The following ZNF385D variants were observed in gnomAD, a reference collection of about 807,000 sequenced individuals.
The protein encoded by ZNF385D is zinc finger protein 385D, also known as zinc finger protein 659.
A neutral mutation model predicts 35.8 loss-of-function variants in ZNF385D; 15 were observed. That is an observed-to-expected ratio of 0.42 (90% CI 0.28 to 0.64). The LOEUF is 0.64. ZNF385D is among the 30% of genes least tolerant of loss of function. The pLI is 0.23. For synonymous variants in ZNF385D, 212 were observed against 186.8 expected, an observed-to-expected ratio of 1.13 and a Z score of -1.10; for missense variants, 474 against 494.6, an observed-to-expected ratio of 0.96 and a Z score of 0.39.
intron 3 of ZNF385D, among the ~76,000 whole-genome samples, chr3:21,907,685 T>C (rs1298689513): frequency 1.3e-5 from 2 of 152,142 alleles, no homozygotes; most frequent in East Asian, 3.8e-4. Context: ...AGGTTACTCA[T>C]CCACCAGTAC....
intron 3 of ZNF385D, among the ~76,000 whole-genome samples, chr3:22,031,231 G>A (rs1243347977): frequency 6.6e-6 from 1 of 152,176 alleles, no homozygotes; most frequent in Non-Finnish European, 1.5e-5. Flanking sequence ...TTTTCTCACG[G>A]CTCTTCTAGG....
At chr3:21,547,365 C>G (rs1047621484) in intron 3 of ZNF385D, among the ~76,000 whole-genome samples, 1 of 151,972 alleles carries the variant, frequency 6.6e-6, no homozygotes, top group Non-Finnish European at 1.5e-5. Flanking sequence ...CTGTTCTTAC[C>G]CCTCCCCTTG....
chr3:21,664,787 A>C (rs79498085), intron 2 of ZNF385D, 99 bp downstream of exon 2: 54,665 of 1,508,482 alleles, frequency 0.036, 1,169 homozygotes, highest in Admixed American at 0.056. Flanking sequence ...GCAATGAACA[A>C]TATAGCAAAA....
chr3:21,819,592 C>T (rs1559655452), intron 3 of ZNF385D, among the ~76,000 whole-genome samples: 1 of 147,762 alleles, frequency 6.8e-6, no homozygotes, highest in East Asian at 2.0e-4. Flanking sequence ...ATATGTGCTA[C>T]ATATGTGTGT....
At chr3:21,941,894 A>C (rs2125276065) in intron 3 of ZNF385D, among the ~76,000 whole-genome samples, 1 of 152,150 alleles carries the variant, frequency 6.6e-6, no homozygotes, top group African/African-American at 2.4e-5. Context: ...TATTTTTTAG[A>C]AAAATTGTTC....
At chr3:21,850,541 G>A (rs1439997457) in intron 3 of ZNF385D, among the ~76,000 whole-genome samples, 1 of 152,116 alleles carries the variant, frequency 6.6e-6, no homozygotes, top group Admixed American at 6.6e-5. Flanking sequence ...CTGTATAGTA[G>A]TTTCCTTGAG....
At chr3:22,189,708 T>C (rs1695887483) in intron 2 of ZNF385D, among the ~76,000 whole-genome samples, 1 of 152,190 alleles carries the variant, frequency 6.6e-6, no homozygotes, top group Admixed American at 6.6e-5. Flanking sequence ...TCTGATATTT[T>C]TAGATTTGTA....
chr3:22,196,892 G>T (rs1696458579), intron 2 of ZNF385D, among the ~76,000 whole-genome samples: 1 of 151,858 alleles, frequency 6.6e-6, no homozygotes, highest in Non-Finnish European at 1.5e-5. Flanking sequence ...ATTGAGCATG[G>T]GTCTGCAGGT....
At chr3:22,281,171 T>G (rs1701717350) in intron 2 of ZNF385D, among the ~76,000 whole-genome samples, 2 of 152,088 alleles carry the variant, frequency 1.3e-5, no homozygotes, top group African/African-American at 4.8e-5. Flanking sequence ...TATGATCCTG[T>G]CATCAGCAAA....
chr3:21,460,837 A>G (rs962590766), intron 4 of ZNF385D, among the ~76,000 whole-genome samples: 1 of 152,216 alleles, frequency 6.6e-6, no homozygotes, highest in African/African-American at 2.4e-5. Flanking sequence ...ATTGTGAACT[A>G]GTCCCTGGAA....
chr3:21,520,957 C>T (rs773165881), intron 3 of ZNF385D, among the ~76,000 whole-genome samples: 5 of 152,152 alleles, frequency 3.3e-5, no homozygotes, highest in African/African-American at 7.2e-5. Context: ...AGTCACATAA[C>T]ACATACTCTG....
intron 2 of ZNF385D, among the ~76,000 whole-genome samples, chr3:22,209,655 C>T (rs182789208): frequency 1.9e-3 from 284 of 151,826 alleles, no homozygotes; most frequent in Non-Finnish European, 2.7e-3. Flanking sequence ...TATTCTTTTG[C>T]ATTTATTTTT....
chr3:21,657,076 G>A (rs1298356847), intron 2 of ZNF385D, among the ~76,000 whole-genome samples: 2 of 151,846 alleles, frequency 1.3e-5, no homozygotes. Flanking sequence ...ATGTGTGTGT[G>A]TGTAATGTGT....
intron 3 of ZNF385D, among the ~76,000 whole-genome samples, chr3:21,994,895 T>C (rs1387246512): frequency 6.6e-6 from 1 of 152,184 alleles, no homozygotes; most frequent in African/African-American, 2.4e-5. Flanking sequence ...TATGGGTACT[T>C]TAGATCAGCT....
chr3:22,228,468 C>T (rs2125293047), intron 2 of ZNF385D, among the ~76,000 whole-genome samples: 1 of 152,240 alleles, frequency 6.6e-6, no homozygotes, highest in Middle Eastern at 3.4e-3. Flanking sequence ...AATTTTGGCT[C>T]CTGTGGATGG....
At chr3:21,764,397 A>G (rs2070743370) in intron 3 of ZNF385D, among the ~76,000 whole-genome samples, 1 of 152,174 alleles carries the variant, frequency 6.6e-6, no homozygotes, top group Non-Finnish European at 1.5e-5. Flanking sequence ...AAAATGTAGA[A>G]TGGTTAACTA....
At chr3:21,491,960 C>G (rs1438001263) in intron 4 of ZNF385D, among the ~76,000 whole-genome samples, 4 of 152,066 alleles carry the variant, frequency 2.6e-5, no homozygotes, top group African/African-American at 9.7e-5. Context: ...CACATACACA[C>G]ACATTTAGAT....
chr3:22,085,598 A>G (rs933252255), intron 3 of ZNF385D, among the ~76,000 whole-genome samples: 19 of 150,838 alleles, frequency 1.3e-4, no homozygotes, highest in South Asian at 1.0e-3. Context: ...CCTACCAACC[A>G]AAAAAAGTCC....
intron 3 of ZNF385D, among the ~76,000 whole-genome samples, chr3:21,535,042 G>A (rs1479981356): frequency 6.6e-6 from 1 of 152,064 alleles, no homozygotes; most frequent in African/African-American, 2.4e-5. Context: ...AAAGAACACA[G>A]CAACAGGAAT....
Sources: allele counts gnomAD v4.1 joint callset (sites outside exome capture counted in the v4.1 genomes callset), GRCh38; gene constraint gnomAD v4.1.1; transcripts MANE v1.5; gene names NCBI Gene and HGNC (gene_info 2026-07-23, HGNC 2026-07-21).